Variants in ABCA6 observed in about 807,000 individuals in gnomAD.
ABCA6 encodes the protein ATP binding cassette subfamily A member 6.
ABCA6 carries 164 observed loss-of-function variants against 191.2 expected under a neutral mutation model. The observed-to-expected ratio is 0.86, with a 90% CI of 0.76 to 0.98. The LOEUF (loss-of-function observed/expected upper bound fraction) is 0.98, where lower values mean the gene tolerates loss of function less well. Ranked by LOEUF, ABCA6 falls within the 50% of genes least tolerant of loss-of-function variation. The probability of loss-of-function intolerance (pLI) is 0.00; values close to 1 mark genes in which losing one functional copy is unlikely to be tolerated. For synonymous variants in ABCA6, 636 were observed against 647.7 expected, an observed-to-expected ratio of 0.98 and a Z score of 0.27; for missense variants, 1,958 against 1,894.1, an observed-to-expected ratio of 1.03 and a Z score of -0.63.
Position 69,084,319 on chromosome 17 carries a change from C to T in ABCA6, c.4297G>A (p.Val1433Ile). Reference sequence around the variant, plus strand: ...GTAGATGGTTCATCCAGGAGCAAGACAGGTGAGTTTCCCAGGAGGCTCAGC... The same window carrying T: ...GTAGATGGTTCATCCAGGAGCAAGATAGGTGAGTTTCCCAGGAGGCTCAGC... Reference protein sequence around the residue: ...FVLSLLGNSPVLLLDEPSTGI... With the variant: ...FVLSLLGNSPILLLDEPSTGI... The change falls in exon 34 of 39, where the codon GTC (valine) becomes ATC (isoleucine). Residue 1433 changes from valine to isoleucine, a missense_variant. Transcript: ENST00000284425. 6.2e-7 allele frequency: 1 copy of T among 1,614,176 alleles called. No homozygotes were observed. Among genetic ancestry groups the T allele is most frequent in the Non-Finnish European group, 8.5e-7 (1 of 1,180,022 alleles).
chr17:69,080,670 T>C (rs556352041), intron 37 of ABCA6, among the ~76,000 whole-genome samples: 96 of 152,110 alleles, frequency 6.3e-4, no homozygotes, highest in Non-Finnish European at 1.1e-3. Flanking sequence ...GGGCATCAAC[T>C]GAGGGATAAA....
intron 21 of ABCA6, 91 bp from the exon 22 acceptor site, chr17:69,101,025 T>A: frequency 9.2e-7 from 1 of 1,084,488 alleles, no homozygotes; most frequent in Non-Finnish European, 1.3e-6. Flanking sequence ...CAGTGCCACA[T>A]GCTTGTTGTG....
chr17:69,088,727 G>C (rs543654035), intron 27 of ABCA6, among the ~76,000 whole-genome samples: 1 of 152,240 alleles, frequency 6.6e-6, no homozygotes, highest in Admixed American at 6.5e-5. Flanking sequence ...ACTCAGAGTA[G>C]AGTCAAAGCC....
chr17:69,110,622 G>A (rs2073403804), intron 17 of ABCA6, 179 bp downstream of exon 17: 1 of 630,904 alleles, frequency 1.6e-6, no homozygotes, highest in Non-Finnish European at 2.6e-6. Context: ...ATCTGCTGGT[G>A]CTTCCACGAA....
At position 69,084,289 on chromosome 17, in the gene ABCA6, T is replaced by G; in HGVS notation, c.4327A>C (p.Ile1443Leu). The G allele has an allele frequency of 6.2e-7, 1 of 1,614,188 alleles. No homozygotes were observed. Among genetic ancestry groups the G allele is most frequent in the Non-Finnish European group, 8.5e-7 (1 of 1,180,014 alleles). The change falls in exon 34 of 39, where the codon ATA (isoleucine) becomes CTA (leucine). Residue 1443 changes from isoleucine (I) to leucine (L), a missense_variant. By Grantham distance (5) the Ile-to-Leu change is conservative (BLOSUM62 2). Transcript: ENST00000284425. Reference protein sequence around the residue: ...VLLLDEPSTGIDPTGQQQMWQ... With the variant: ...VLLLDEPSTGLDPTGQQQMWQ... The stretch of plus-strand genomic sequence containing the variant: ...ATTTGCTGCTGCCCTGTGGGGTCTA[T>G]GCCCGTAGATGGTTCATCCAGGAGC...
chr17:69,115,057 T>C, intron 12 of ABCA6, 120 bp from the exon 13 acceptor site: 1 of 775,470 alleles, frequency 1.3e-6, no homozygotes, highest in Non-Finnish European at 2.0e-6. Flanking sequence ...TGTGAACTAC[T>C]ATTCTTGACA....
rs1299102425 is a variant in ABCA6 at position 69,091,214 on chromosome 17, T to G, written c.3457A>C (p.Ser1153Arg). The change falls in exon 26 of 39, where the codon AGT becomes CGT. Residue 1153 changes from serine (S) to arginine (R), a missense_variant. Transcript: ENST00000284425. ...SITLINHFDL[S>R]ILITTMVLVP... is the part of the protein sequence containing the mutation. Reference sequence around the variant, plus strand: ...AATACCATGGTGGTAATCAATATACTTAGGTCAAAATGATTGATTAAAGTG... The same window carrying G: ...AATACCATGGTGGTAATCAATATACGTAGGTCAAAATGATTGATTAAAGTG... The G allele has an allele frequency of 6.2e-7, 1 of 1,612,128 alleles. No homozygotes were observed. The highest frequency in any genetic ancestry group is 1.7e-5 in the Admixed American group (1 of 59,936).
At chr17:69,107,629 A>G in intron 18 of ABCA6, 67 bp downstream of exon 18, 1 of 1,132,022 alleles carries the variant, frequency 8.8e-7, no homozygotes, top group Non-Finnish European at 1.3e-6. Flanking sequence ...ATAAGAAATT[A>G]TAAATACTAA....
At chr17:69,129,445 T>A (rs776660624) in intron 7 of ABCA6, among the ~76,000 whole-genome samples, 165 bp downstream of exon 7, 1 of 152,212 alleles carries the variant, frequency 6.6e-6, no homozygotes, top group East Asian at 1.9e-4. Flanking sequence ...ATTACATAAC[T>A]TTTTCACTCC....
chr17:69,118,858 C>T (rs1250440709), intron 10 of ABCA6, among the ~76,000 whole-genome samples: 1 of 151,934 alleles, frequency 6.6e-6, no homozygotes, highest in East Asian at 1.9e-4. Context: ...CTAATGCTGA[C>T]CCCACCCTTT....
At position 69,128,727 on chromosome 17, in the gene ABCA6, G is replaced by A. The variant is rs1328105625; in HGVS notation, c.1011C>T (p.Leu337=). 4.3e-6 allele frequency: 7 copies of A among 1,612,878 alleles called. No homozygotes were observed. The highest frequency in any genetic ancestry group is 5.9e-6 in the Non-Finnish European group (7 of 1,179,366). The change falls in exon 8 of 39, where the codon CTC becomes CTT. Residue 337 remains leucine, a synonymous_variant. Transcript: ENST00000284425. ...LTNLVVFLLT[L]FWGCLGFTVF... The stretch of plus-strand genomic sequence containing the variant: ...CAGTGAATCCCAGACATCCCCAAAA[G>A]AGGGTAAGGAGAAACACAACCAAAT...
chr17:69,091,386 T>A (rs1368149594), intron 25 of ABCA6, 124 bp from the exon 26 acceptor site: 1 of 1,001,058 alleles, frequency 1.0e-6, no homozygotes, highest in Non-Finnish European at 1.4e-6. Flanking sequence ...GATATACCCA[T>A]TTGACAATGA....
intron 6 of ABCA6, among the ~76,000 whole-genome samples, chr17:69,132,042 G>C (rs569119000): frequency 7.2e-5 from 11 of 151,906 alleles, no homozygotes; most frequent in African/African-American, 2.7e-4. Flanking sequence ...GAAGACACAG[G>C]TTCCTCTTTT....
chr17:69,137,139 T>C (rs1358780854), intron 3 of ABCA6, among the ~76,000 whole-genome samples, 157 bp downstream of exon 3: 2 of 152,180 alleles, frequency 1.3e-5, no homozygotes, highest in Non-Finnish European at 2.9e-5. Context: ...CTAGTTGTTG[T>C]GAGAGAAAGC....
chr17:69,111,081 T>C (rs1327089774), intron 16 of ABCA6, 141 bp from the exon 17 acceptor site: 4 of 702,798 alleles, frequency 5.7e-6, no homozygotes, highest in Non-Finnish European at 8.8e-6. Context: ...ACTAACATGA[T>C]AGTAATCTAT....
intron 10 of ABCA6, among the ~76,000 whole-genome samples, chr17:69,120,111 T>A (rs2073613891): frequency 6.6e-6 from 1 of 152,020 alleles, no homozygotes; most frequent in Non-Finnish European, 1.5e-5. Flanking sequence ...TATAAGTGTA[T>A]GGTGCAATAT....
At chr17:69,132,984 TCATG>T (rs1430620877) in intron 6 of ABCA6, among the ~76,000 whole-genome samples, 1 of 152,200 alleles carries the variant, frequency 6.6e-6, no homozygotes, top group Non-Finnish European at 1.5e-5. Context: ...GTACACGCAC[TCATG>T]ATTTCAAAAT....
chr17:69,118,038 T>C lies in ABCA6; in HGVS notation c.1437-82A>G, dbSNP rs2073569514. 4.3e-6 allele frequency: 4 copies of C among 925,174 alleles called. No homozygotes were observed. In the African/African-American group the frequency reaches 6.8e-5, roughly 16 times the overall value. 57.3% of individuals were successfully genotyped at this position (925,174 alleles called of 1,614,324 possible). On this transcript the variant is annotated intron_variant, in intron 10 of 38. Transcript: ENST00000284425. Reference sequence around the variant, plus strand: ...CCATTTATAGCCCTAGTCATAGTGATAACTGCAGCCAACCACTTTATGTGA... The same window carrying C: ...CCATTTATAGCCCTAGTCATAGTGACAACTGCAGCCAACCACTTTATGTGA...
At position 69,114,861 on chromosome 17, in the gene ABCA6, A is replaced by C; in HGVS notation, c.1683T>G (p.Cys561Trp). 2 of 1,612,652 alleles carry C rather than the reference A, an allele frequency of 1.2e-6. No homozygotes were observed. The highest frequency in any genetic ancestry group is 2.7e-5 in the African/African-American group (2 of 74,916). Residue 561 changes from cysteine (C) to tryptophan (W), a missense_variant, in exon 13 of 39, where the codon TGT becomes TGG. Cys to Trp is a radical substitution (Grantham distance 215). Coordinates refer to ENST00000284425, the MANE Select transcript of ABCA6 (RefSeq NM_080284.3). ...LEEIRKITGV[C>W]PQFNVQFDIL... ...TGTCAAATTGAACATTGAATTGAGG[A>C]CAGACGCCAGTTATCTTTCTGATTT...
Sources: gnomAD v4.1 joint callset for allele counts (sites outside exome capture counted in the v4.1 genomes callset) on GRCh38, gnomAD v4.1.1 for gene constraint, MANE v1.5 for transcripts, NCBI Gene and HGNC (gene_info 2026-07-23, HGNC 2026-07-21) for gene names.